Variants in LSP1 observed in about 807,000 individuals in gnomAD.
The protein encoded by LSP1 is lymphocyte-specific protein 1.
In LSP1, 32 loss-of-function variants were observed where a neutral mutation model predicts 49.3. That is an observed-to-expected ratio of 0.65 (90% CI 0.49 to 0.87). The LOEUF (loss-of-function observed/expected upper bound fraction) is 0.87. Among genes scored for constraint, LSP1 ranks in the 40% least tolerant of loss-of-function variants. LSP1 has a pLI of 0.00. For missense variants in LSP1, 428 were observed against 442.6 expected (o/e 0.97, Z 0.30); for synonymous variants, 179 against 178.8 (o/e 1.00, Z -0.01).
chr11:1,880,360 A>T, intron 2 of LSP1, 136 bp downstream of exon 2: 1 of 1,122,228 alleles, frequency 8.9e-7, no homozygotes, highest in Non-Finnish European at 1.2e-6. Context: ...CCCCAGGAGC[A>T]GGCGTGGGAG....
chr11:1,886,612 T>A (rs969652735), intron 7 of LSP1, 120 bp from the exon 8 acceptor site: 14 of 1,195,816 alleles, frequency 1.2e-5, no homozygotes, highest in Non-Finnish European at 1.6e-5. Flanking sequence ...TGGGGCTGCA[T>A]TGGGAAAGCG....
chr11:1,863,076 T>C (rs1434170111), intron 1 of LSP1, among the ~76,000 whole-genome samples: 4 of 152,024 alleles, frequency 2.6e-5, no homozygotes, highest in Non-Finnish European at 5.9e-5. Flanking sequence ...CAGTCTGGTG[T>C]GTATGTAGGG....
chr11:1,867,281 G>C (rs1565074622), intron 1 of LSP1, among the ~76,000 whole-genome samples: 2 of 152,060 alleles, frequency 1.3e-5, no homozygotes, highest in Admixed American at 6.6e-5. Context: ...AGGCTGACAC[G>C]TGTGCACTAA....
At chr11:1,887,412 G>A (rs148790462) in intron 9 of LSP1, 62 bp from the exon 10 acceptor site, 686 of 1,578,526 alleles carry the variant, frequency 4.3e-4, no homozygotes, top group Middle Eastern at 4.2e-3. Flanking sequence ...TCCCAGAGGC[G>A]GAGGCAGCAT....
chr11:1,874,032 CCGGCAGAGG>C, intron 1 of LSP1, among the ~76,000 whole-genome samples: 1 of 134,426 alleles, frequency 7.4e-6, no homozygotes, highest in South Asian at 2.5e-4. Flanking sequence ...AGGAGGGAGG[CCGGCAGAGG>C]AGGGAGGCTG....
chr11:1,863,438 C>A (rs554756870), intron 1 of LSP1: 1 of 152,296 alleles, frequency 6.6e-6, no homozygotes, highest in Non-Finnish European at 1.5e-5. Flanking sequence ...GGCCAGCGGC[C>A]GGCAGATCTG....
intron 10 of LSP1, chr11:1,890,290 G>C: frequency 1.4e-6 from 1 of 712,256 alleles, no homozygotes; most frequent in Admixed American, 2.0e-5. Flanking sequence ...GCGGGGCGTG[G>C]GGCTTCAGGA....
chr11:1,874,241 G>A (rs1214921501), intron 1 of LSP1, among the ~76,000 whole-genome samples: 2 of 90,254 alleles, frequency 2.2e-5, no homozygotes, highest in Non-Finnish European at 4.4e-5. Context: ...AGGGCAGGCC[G>A]GGGACAGTGG....
At chr11:1,861,827 A>C (rs1847644472) in intron 1 of LSP1, among the ~76,000 whole-genome samples, 1 of 150,432 alleles carries the variant, frequency 6.6e-6, no homozygotes, top group Non-Finnish European at 1.5e-5. Context: ...GGGTGAATGG[A>C]TGGATGGATG....
rs534073685 is a variant in LSP1 at position 1,885,532 on chromosome 11, T to C, written c.717+951T>C. ...ATGCCTTGCACCCAATCAATGGCCT[T>C]CTATCCCATCAATTTCCCTCCATCC... On this transcript the variant is annotated intron_variant, in intron 7 of 10. Transcript: ENST00000311604. Among the ~76,000 whole-genome samples, 3 of 149,362 alleles carry C rather than the reference T, an allele frequency of 2.0e-5. No individual in the cohort carries two copies. In the South Asian group the frequency reaches 6.4e-4, roughly 32 times the overall value.
At chr11:1,871,322 C>T in intron 1 of LSP1, 1 of 986,180 alleles carries the variant, frequency 1.0e-6, no homozygotes, top group Non-Finnish European at 1.2e-6. Flanking sequence ...CCAGGCTGGT[C>T]GCCGCAGATG....
chr11:1,876,096 A>ACACT (rs1233614215), intron 1 of LSP1, among the ~76,000 whole-genome samples: 2 of 152,266 alleles, frequency 1.3e-5, no homozygotes, highest in East Asian at 3.9e-4. Context: ...GCCCCGACAC[A>ACACT]CACTCCGAAG....
At position 1,883,474 on chromosome 11, in the gene LSP1, T is replaced by A; in HGVS notation, c.412T>A (p.Leu138Met). The A allele has an allele frequency of 6.2e-7, 1 of 1,613,590 alleles. No individual in the cohort carries two copies. Among genetic ancestry groups the A allele is most frequent in the African/African-American group, 1.3e-5 (1 of 74,846 alleles). Reference protein sequence around the residue: ...EDSDEVHLEELSLSKEGPGPE... With the variant: ...EDSDEVHLEEMSLSKEGPGPE... The stretch of plus-strand genomic sequence containing the variant: ...CAGTGATGAAGTCCACCTGGAGGAG[T>A]TGAGTCTGAGCAAGGAGGGGCCAGG... Residue 138 changes from leucine (L) to methionine (M), a missense_variant, in exon 4 of 11, where the codon TTG becomes ATG. Leu to Met is a conservative substitution (Grantham distance 15). Transcript: ENST00000311604.
At chr11:1,866,664 C>CGGGAATGTG (rs1474984099) in intron 1 of LSP1, 1 of 1,550,488 alleles carries the variant, frequency 6.4e-7, no homozygotes, top group Admixed American at 2.0e-5. Context: ...CCCTGCCCAA[C>CGGGAATGTG]GGGAATGTGT....
chr11:1,855,158 A>G (rs775518933), intron 1 of LSP1, among the ~76,000 whole-genome samples: 15 of 152,174 alleles, frequency 9.9e-5, no homozygotes, highest in Admixed American at 7.8e-4. Flanking sequence ...GACCTTTCAG[A>G]ATGAAACTGA....
chr11:1,876,473 A>C lies in LSP1; in HGVS notation c.54-3614A>C, dbSNP rs902008836. The stretch of plus-strand genomic sequence containing the variant: ...ATCCTCCCCGCAGCCCTTGCTCTTC[A>C]CCAGAGCCTCCTCACTCCCCAGGAC... On this transcript the variant is annotated intron_variant, in intron 1 of 10. Transcript: ENST00000311604. 9 of 985,378 alleles carry C rather than the reference A, an allele frequency of 9.1e-6. No individual in the cohort carries two copies. The African/African-American group carries it at 1.4e-4, about 15-fold the overall frequency. The allele number at this position is 985,378 out of a possible 1,614,324, so 61.0% of individuals were successfully genotyped here. A position where few individuals can be genotyped will look rare whatever the true frequency, so the allele number is the denominator to read the frequency against.
chr11:1,873,963 CCCGGCGGAGGAGGGAGG>C (rs1245532485), intron 1 of LSP1, among the ~76,000 whole-genome samples: 4 of 34,134 alleles, frequency 1.2e-4, no homozygotes, highest in African/African-American at 3.6e-4. Flanking sequence ...GAGCAGGGAG[CCCGGCGGAGGAGGGAGG>C]CCGGCGGAGG....
chr11:1,879,981 G>A, intron 1 of LSP1, 106 bp from the exon 2 acceptor site: 1 of 1,390,544 alleles, frequency 7.2e-7, no homozygotes, highest in Non-Finnish European at 9.9e-7. Context: ...GGACAGGGCT[G>A]CCTGCACCGT....
At position 1,881,564 on chromosome 11, in the gene LSP1, G is replaced by A. The variant is rs1364938988; in HGVS notation, c.324G>A (p.Gln108=). 3.3e-6 allele frequency: 5 copies of A among 1,533,474 alleles called. No individual in the cohort carries two copies. Among genetic ancestry groups the A allele is most frequent in the Non-Finnish European group, 3.5e-6 (4 of 1,137,648 alleles). 95.0% of individuals were successfully genotyped at this position (1,533,474 alleles called of 1,614,324 possible). A position where few individuals can be genotyped will look rare whatever the true frequency, so the allele number is the denominator to read the frequency against. ...QGALDSGEPP[Q]CRSPEGEQED... is the part of the protein sequence containing the mutation. ...CCTTGGACAGCGGAGAGCCCCCCCAGTGCAGGAGTCCTGAGGGGGAGCAAG... is the reference window on the plus strand; with the variant it reads ...CCTTGGACAGCGGAGAGCCCCCCCAATGCAGGAGTCCTGAGGGGGAGCAAG... The change falls in exon 3 of 11, where the codon CAG becomes CAA. Residue 108 remains glutamine, a synonymous_variant. Coordinates refer to ENST00000311604, the MANE Select transcript of LSP1 (RefSeq NM_002339.3).
Sources: gnomAD v4.1 joint callset for allele counts (sites outside exome capture counted in the v4.1 genomes callset) on GRCh38, gnomAD v4.1.1 for gene constraint, MANE v1.5 for transcripts, NCBI Gene and HGNC (gene_info 2026-07-23, HGNC 2026-07-21) for gene names.